Variants in DNM3 observed in about 807,000 individuals in gnomAD.
DNM3 encodes dynamin-3.
In DNM3, 47 loss-of-function variants were observed where a neutral mutation model predicts 101.6. That is an observed-to-expected ratio of 0.46 (90% CI 0.37 to 0.59). The LOEUF (loss-of-function observed/expected upper bound fraction) is 0.59. Among genes scored for constraint, DNM3 ranks in the 20% least tolerant of loss-of-function variants. DNM3 has a pLI of 0.00. For synonymous variants in DNM3, 385 were observed against 387.9 expected, an observed-to-expected ratio of 0.99 and a Z score of 0.09; for missense variants, 849 against 1,085.7, an observed-to-expected ratio of 0.78 and a Z score of 3.06.
chr1:171,859,876 A>T (rs1221562463), intron 1 of DNM3, among the ~76,000 whole-genome samples: 7 of 152,112 alleles, frequency 4.6e-5, no homozygotes, highest in Non-Finnish European at 8.8e-5. Flanking sequence ...TTCCTTGCAG[A>T]AGGAACAGTA....
chr1:172,115,236 A>G (rs754602756), intron 13 of DNM3, among the ~76,000 whole-genome samples: 7 of 152,076 alleles, frequency 4.6e-5, no homozygotes, highest in Non-Finnish European at 1.0e-4. Flanking sequence ...GAGAGCTCTC[A>G]TTCCTTTTTT....
chr1:172,151,482 T>C (rs1203716313), intron 14 of DNM3, among the ~76,000 whole-genome samples: 1 of 152,212 alleles, frequency 6.6e-6, no homozygotes, highest in African/African-American at 2.4e-5. Context: ...CCCAATCTTC[T>C]GTCTTATAAC....
chr1:171,917,411 A>G (rs1571599308), intron 1 of DNM3, among the ~76,000 whole-genome samples: 1 of 152,214 alleles, frequency 6.6e-6, no homozygotes, highest in East Asian at 1.9e-4. Context: ...GCCAATAAGA[A>G]ATGTCATCAA....
chr1:172,412,080 T>C lies in DNM3; in HGVS notation c.*4239T>C. 1.0e-6 allele frequency: 1 copy of C among 985,702 alleles called. No individual in the cohort carries two copies. The highest frequency in any genetic ancestry group is 1.2e-6 in the Non-Finnish European group (1 of 829,852). The allele number at this position is 985,702 out of a possible 1,614,324, so 61.1% of individuals were successfully genotyped here. ...GTGTCTTTGTATATATGTAAGAATG[T>C]GTGTATGTGTGAGAGCAAGAGAGAG... On this transcript the variant is annotated 3_prime_UTR_variant, in exon 21 of 21. Coordinates refer to ENST00000627582, the MANE Select transcript of DNM3 (RefSeq NM_015569.5).
chr1:172,289,732 A>T, intron 15 of DNM3: 1 of 984,834 alleles, frequency 1.0e-6, no homozygotes, highest in Non-Finnish European at 1.2e-6. Flanking sequence ...GCATGTTCTA[A>T]GTTTCAATAC....
At chr1:172,118,066 C>G (rs572913940) in intron 13 of DNM3, among the ~76,000 whole-genome samples, 7 of 152,290 alleles carry the variant, frequency 4.6e-5, no homozygotes, top group Admixed American at 4.6e-4. Flanking sequence ...TTAATGGTGT[C>G]TATATCCTCA....
rs142254702 is a variant in DNM3 at position 171,846,831 on chromosome 1, T to G, written c.161+5014T>G. On this transcript the variant is annotated intron_variant, in intron 1 of 20. Transcript: ENST00000627582. ...GTCATACTAAATACATTTTATAAAG[T>G]AGACGGAAAAAAGGGGCCAACATTT... 6.1e-3 allele frequency among the ~76,000 whole-genome samples: 935 copies of G among 152,314 alleles called. 5 individuals carry two copies. The highest frequency in any genetic ancestry group is 0.041 in the Middle Eastern group (12 of 294).
At chr1:172,082,938 A>G (rs2147749533) in intron 12 of DNM3, among the ~76,000 whole-genome samples, 1 of 152,378 alleles carries the variant, frequency 6.6e-6, no homozygotes, top group African/African-American at 2.4e-5. Flanking sequence ...AGTGAAGGGT[A>G]GATAAGATTT....
At chr1:172,004,465 GC>G in intron 4 of DNM3, among the ~76,000 whole-genome samples, 1 of 151,960 alleles carries the variant, frequency 6.6e-6, no homozygotes, top group Non-Finnish European at 1.5e-5. Context: ...TTGGATAATG[GC>G]GGAACTAAGG....
chr1:172,069,987 A>C (rs1280794312), intron 11 of DNM3, among the ~76,000 whole-genome samples: 1 of 152,158 alleles, frequency 6.6e-6, no homozygotes, highest in Non-Finnish European at 1.5e-5. Context: ...GAGCAGGTGG[A>C]GGAGAAAGGA....
intron 14 of DNM3, among the ~76,000 whole-genome samples, chr1:172,162,033 C>T (rs987921764): frequency 1.3e-5 from 2 of 152,000 alleles, no homozygotes; most frequent in Admixed American, 6.6e-5. Context: ...ATTAAAAGAG[C>T]TTTGTCTGAC....
At chr1:171,877,077 G>A (rs1402954836) in intron 1 of DNM3, among the ~76,000 whole-genome samples, 1 of 152,162 alleles carries the variant, frequency 6.6e-6, no homozygotes, top group African/African-American at 2.4e-5. Flanking sequence ...GAAGAGTCTA[G>A]TATGAAACTG....
At chr1:172,359,248 G>T (rs965056963) in intron 17 of DNM3, among the ~76,000 whole-genome samples, 6 of 152,042 alleles carry the variant, frequency 3.9e-5, no homozygotes, top group African/African-American at 1.4e-4. Flanking sequence ...GCATAGACCA[G>T]CCAGCCGTTG....
intron 2 of DNM3, among the ~76,000 whole-genome samples, chr1:171,938,017 T>C (rs2041561931): frequency 7.1e-6 from 1 of 140,116 alleles, no homozygotes; most frequent in African/African-American, 2.8e-5. Flanking sequence ...CCTTTCCTTC[T>C]TCCTTTTAAT....
intron 14 of DNM3, among the ~76,000 whole-genome samples, chr1:172,237,507 G>C (rs1252547921): frequency 2.0e-5 from 3 of 152,036 alleles, no homozygotes; most frequent in African/African-American, 7.2e-5. Context: ...CCATTTGTTT[G>C]TACCTATTTT....
At chr1:171,993,486 G>T (rs905966186) in intron 4 of DNM3, among the ~76,000 whole-genome samples, 1 of 136,822 alleles carries the variant, frequency 7.3e-6, no homozygotes, top group Admixed American at 7.3e-5. Flanking sequence ...CTCTCCTGCT[G>T]CTTTCAAGAT....
intron 13 of DNM3, among the ~76,000 whole-genome samples, chr1:172,129,226 T>C (rs547225679): frequency 6.6e-6 from 1 of 152,336 alleles, no homozygotes; most frequent in South Asian, 2.1e-4. Flanking sequence ...TAAATAGATG[T>C]GATCATTTAC....
chr1:171,922,096 C>T (rs751565829), intron 2 of DNM3, among the ~76,000 whole-genome samples: 14 of 151,588 alleles, frequency 9.2e-5, no homozygotes, highest in Non-Finnish European at 1.9e-4. Context: ...CAGTACAGCA[C>T]AACCACTAAT....
At chr1:172,354,108 T>TGA (rs1181407960) in intron 17 of DNM3, among the ~76,000 whole-genome samples, 925 of 30,740 alleles carry the variant, frequency 0.03, 11 homozygotes, top group Non-Finnish European at 0.047. Context: ...TGTGTGTGTG[T>TGA]GTGTGAGAGA....
Sources: allele counts gnomAD v4.1 joint callset (sites outside exome capture counted in the v4.1 genomes callset), GRCh38; gene constraint gnomAD v4.1.1; transcripts MANE v1.5; gene names NCBI Gene and HGNC (gene_info 2026-07-23, HGNC 2026-07-21).